Variants in SAXO1 observed in about 807,000 individuals in gnomAD.
SAXO1 encodes stabilizer of axonemal microtubules 1.
In SAXO1, 21 loss-of-function variants were observed where a neutral mutation model predicts 17.5. The ratio of observed to expected loss-of-function variants is 1.20; its 90% CI spans 0.85 to 1.72. The LOEUF is 1.72. Ranked by LOEUF, SAXO1 falls within the 40% of genes most tolerant of loss-of-function variation. The pLI, the probability that SAXO1 is intolerant of heterozygous loss-of-function variation, is 0.00. For synonymous variants in SAXO1, 274 were observed against 216.5 expected (o/e 1.27, Z -2.33); for missense variants, 843 against 596.0 (o/e 1.41, Z -4.32).
At chr9:19,021,563 C>T (rs1835235024) in intron 1 of SAXO1, among the ~76,000 whole-genome samples, 2 of 152,136 alleles carry the variant, frequency 1.3e-5, no homozygotes, top group African/African-American at 4.8e-5. Flanking sequence ...ATGGGAATCC[C>T]ACTGTCTGAG....
intron 1 of SAXO1, among the ~76,000 whole-genome samples, chr9:18,998,121 G>A: frequency 6.6e-6 from 1 of 152,104 alleles, no homozygotes; most frequent in East Asian, 1.9e-4. Context: ...ACTTTGACAA[G>A]TTGACAAAAG....
At chr9:19,030,912 T>A (rs188650043) in intron 1 of SAXO1, among the ~76,000 whole-genome samples, 1 of 151,988 alleles carries the variant, frequency 6.6e-6, no homozygotes, top group Non-Finnish European at 1.5e-5. Flanking sequence ...AAAATGAAAC[T>A]GGAATTCAGA....
chr9:19,021,728 G>T (rs1437180085), intron 1 of SAXO1, among the ~76,000 whole-genome samples: 1 of 152,240 alleles, frequency 6.6e-6, no homozygotes, highest in Non-Finnish European at 1.5e-5. Flanking sequence ...GAGAACTTTT[G>T]TGTCTAGCTA....
At chr9:18,964,116 G>T (rs540619541) in intron 1 of SAXO1, among the ~76,000 whole-genome samples, 29 of 152,216 alleles carry the variant, frequency 1.9e-4, no homozygotes, top group African/African-American at 2.4e-4. Context: ...TCCTAGGAAT[G>T]AAGCTGACTT....
chr9:19,002,425 G>T (rs200035064), intron 1 of SAXO1, among the ~76,000 whole-genome samples: 1 of 152,182 alleles, frequency 6.6e-6, no homozygotes, highest in Non-Finnish European at 1.5e-5. Flanking sequence ...ACCAAAGCCT[G>T]GCAGAGACAC....
At chr9:18,963,340 G>A (rs950319500) in intron 1 of SAXO1, among the ~76,000 whole-genome samples, 3 of 151,796 alleles carry the variant, frequency 2.0e-5, no homozygotes, top group African/African-American at 4.8e-5. Context: ...ATTCTGTGAA[G>A]AAAGTTAATG....
chr9:18,975,965 T>A (rs190597271), intron 1 of SAXO1, among the ~76,000 whole-genome samples: 2 of 152,190 alleles, frequency 1.3e-5, no homozygotes, highest in African/African-American at 2.4e-5. Context: ...AGCAGTACTT[T>A]AGCACCTCGG....
rs780707777 is a variant in SAXO1 at position 18,928,883 on chromosome 9, G to A, written c.594C>T (p.Asn198=). The change falls in exon 4 of 4, where the codon AAC becomes AAT. Residue 198 remains asparagine, a synonymous_variant. Transcript: ENST00000380534. The part of the protein sequence containing the change: ...CKPLAMPKLC[N]IPLEDVTNYK... ...AGTTAGTCACATCCTCCAAGGGGATGTTACAGAGCTTTGGCATGGCCAGAG... is the reference window on the plus strand; with the variant it reads ...AGTTAGTCACATCCTCCAAGGGGATATTACAGAGCTTTGGCATGGCCAGAG... The A allele has an allele frequency of 1.2e-6, 2 of 1,614,070 alleles. No individual in the cohort carries two copies. Among genetic ancestry groups the A allele is most frequent in the East Asian group, 2.2e-5 (1 of 44,882 alleles).
At chr9:18,978,627 A>C (rs6475298) in intron 1 of SAXO1, among the ~76,000 whole-genome samples, 129,089 of 152,272 alleles carry the variant, frequency 0.85, 55,275 homozygotes, top group African/African-American at 0.96. Context: ...CTGAACCCTG[A>C]ATAATGGCTG....
At chr9:18,962,304 A>G (rs1350279259) in intron 1 of SAXO1, among the ~76,000 whole-genome samples, 1 of 152,086 alleles carries the variant, frequency 6.6e-6, no homozygotes, top group Non-Finnish European at 1.5e-5. Context: ...CCGAACTCAG[A>G]TGATCTGCCC....
chr9:18,941,839 C>G lies in SAXO1; in HGVS notation c.219G>C (p.Arg73Ser), dbSNP rs1219279018. Residue 73 changes from arginine (R) to serine (S), a missense_variant and splice_region_variant, in exon 3 of 4, where the codon AGG (arginine) becomes AGC (serine). Physicochemically the swap from Arg to Ser is moderately radical, Grantham distance 110. Coordinates refer to ENST00000380534, the MANE Select transcript of SAXO1 (RefSeq NM_153707.4). Reference sequence around the variant, plus strand: ...CCACTTTGTGAGGCCCAAAATCTCTCCTGTAAGGAAGCAAGTGCATGCTGT... The same window carrying G: ...CCACTTTGTGAGGCCCAAAATCTCTGCTGTAAGGAAGCAAGTGCATGCTGT... ...PIPMEGLTTS[R>S]RDFGPHKVAP... The G allele has an allele frequency of 6.2e-7, 1 of 1,614,068 alleles. No individual in the cohort carries two copies. Among genetic ancestry groups the G allele is most frequent in the Non-Finnish European group, 8.5e-7 (1 of 1,180,030 alleles).
intron 1 of SAXO1, among the ~76,000 whole-genome samples, chr9:18,966,771 G>GT (rs1312179808): frequency 6.6e-6 from 1 of 152,158 alleles, no homozygotes; most frequent in Non-Finnish European, 1.5e-5. Context: ...TCTCTGTCTA[G>GT]TTTTGTTCCT....
At chr9:19,032,791 G>A (rs1835822244) in intron 1 of SAXO1, 80 bp downstream of exon 1, 3 of 1,500,406 alleles carry the variant, frequency 2.0e-6, no homozygotes, top group Non-Finnish European at 2.7e-6. Context: ...GCCTGATGAA[G>A]CAGCTGGGGG....
chr9:18,978,182 C>A (rs960377614), intron 1 of SAXO1, among the ~76,000 whole-genome samples: 7 of 152,016 alleles, frequency 4.6e-5, no homozygotes, highest in African/African-American at 1.5e-4. Context: ...CTTCTCAGGT[C>A]CTTTCTTGGA....
chr9:19,021,819 C>CACCAATCAGCACTCTGTAAAATGG (rs939217625), intron 1 of SAXO1, among the ~76,000 whole-genome samples: 3,524 of 149,398 alleles, frequency 0.024, 114 homozygotes, highest in Middle Eastern at 0.053. Context: ...ATTGTAAACG[C>CACCAATCAGCACTCTGTAAAATGG]ACCAATCAGC....
chr9:19,045,130 GA>G (rs563136068), intron 1 of SAXO1, among the ~76,000 whole-genome samples: 281 of 150,084 alleles, frequency 1.9e-3, no homozygotes, highest in Middle Eastern at 3.4e-3. Context: ...CTAACAAGGT[GA>G]AACCCCGTCT....
intron 1 of SAXO1, among the ~76,000 whole-genome samples, chr9:19,047,230 G>A (rs1388395855): frequency 6.6e-6 from 1 of 152,136 alleles, no homozygotes. Flanking sequence ...CAGGCATGGT[G>A]GTGGAGGCCT....
intron 1 of SAXO1, among the ~76,000 whole-genome samples, chr9:19,032,557 G>C (rs997467935): frequency 3.3e-5 from 5 of 152,162 alleles, no homozygotes; most frequent in Non-Finnish European, 7.3e-5. Context: ...ACTGGGCCAG[G>C]TGTTCTCCCT....
At chr9:18,948,539 C>T (rs1344119293) in intron 2 of SAXO1, among the ~76,000 whole-genome samples, 1 of 152,058 alleles carries the variant, frequency 6.6e-6, no homozygotes, top group Non-Finnish European at 1.5e-5. Flanking sequence ...GGCAGAGGGG[C>T]CTTCTGGGTG....
Sources: allele counts gnomAD v4.1 joint callset (sites outside exome capture counted in the v4.1 genomes callset), GRCh38; gene constraint gnomAD v4.1.1; transcripts MANE v1.5; gene names NCBI Gene and HGNC (gene_info 2026-07-23, HGNC 2026-07-21).